The following CCDC171 variants were observed in gnomAD, a reference collection of about 807,000 sequenced individuals.
CCDC171 encodes the protein coiled-coil domain-containing protein 171.
In CCDC171, 177 loss-of-function variants were observed where a neutral mutation model predicts 168.2. The observed-to-expected ratio is 1.05, with a 90% CI of 0.93 to 1.19. The LOEUF (loss-of-function observed/expected upper bound fraction) is 1.19. CCDC171 is among the 50% of genes most tolerant of loss of function. The pLI is 0.00. For missense variants in CCDC171, 1,991 were observed against 1,539.0 expected (o/e 1.29, Z -4.91); for synonymous variants, 687 against 540.8 (o/e 1.27, Z -3.75).
At chr9:15,975,323 G>T (rs1343445044), downstream of CCDC171, among the ~76,000 whole-genome samples, 2 of 151,912 alleles carry the variant, frequency 1.3e-5, no homozygotes. Context: ...ACATTATTTT[G>T]AAACACTGCT....
At chr9:16,009,201 CA>C (rs1832789498) in intron 3 of CCDC171, among the ~76,000 whole-genome samples, 1 of 152,102 alleles carries the variant, frequency 6.6e-6, no homozygotes, top group Non-Finnish European at 1.5e-5. Flanking sequence ...AAGAAGCTCA[CA>C]AAAATGTCCT....
chr9:15,607,894 T>C (rs1191669587), intron 6 of CCDC171, among the ~76,000 whole-genome samples: 1 of 152,214 alleles, frequency 6.6e-6, no homozygotes, highest in African/African-American at 2.4e-5. Flanking sequence ...CCATTTTCTG[T>C]TGTTTATAAC....
intron 7 of CCDC171, among the ~76,000 whole-genome samples, chr9:15,633,377 C>T (rs1434523380): frequency 6.6e-6 from 1 of 152,184 alleles, no homozygotes; most frequent in Non-Finnish European, 1.5e-5. Flanking sequence ...TGAACAGACA[C>T]TTCTGAAAAG....
chr9:16,084,099 A>G, the CCDC171 span, among the ~76,000 whole-genome samples: 1 of 152,224 alleles, frequency 6.6e-6, no homozygotes, highest in Admixed American at 6.5e-5. Context: ...CTGAATCAAT[A>G]TGTTCCAGAA....
intron 9 of CCDC171, among the ~76,000 whole-genome samples, chr9:15,675,948 A>G (rs1005150470): frequency 7.9e-5 from 12 of 152,172 alleles, no homozygotes; most frequent in African/African-American, 2.9e-4. Context: ...GTTCTCCTGG[A>G]TAATATCCTG....
chr9:15,894,531 C>T (rs1169475), intron 24 of CCDC171, among the ~76,000 whole-genome samples: 130,167 of 152,116 alleles, frequency 0.86, 55,754 homozygotes, highest in East Asian at 0.96. Flanking sequence ...AAACTTCTCA[C>T]TTTGGCCTTG....
rs115467542 is a variant in CCDC171, at chr9:16,033,046, G to C, written n.999-2411G>C. On this transcript the variant is annotated intron_variant and non_coding_transcript_variant, in intron 6 of 9. Transcript: ENST00000486641. ...CCAGAGGAGGGCACCCAAACCATGA[G>C]CCAGGGAGGAGAGGTTCCTGGAAGA... Among the ~76,000 whole-genome samples, 726 of 152,306 alleles carry C rather than the reference G, an allele frequency of 4.8e-3. 6 individuals carry two copies. The highest frequency in any genetic ancestry group is 0.016 in the African/African-American group (680 of 41,558).
intron 24 of CCDC171, among the ~76,000 whole-genome samples, chr9:15,894,133 G>A (rs1164942272): frequency 3.9e-5 from 6 of 152,184 alleles, no homozygotes; most frequent in African/African-American, 1.4e-4. Flanking sequence ...GTGGGAACAT[G>A]GATGGAGCTG....
At position 15,666,147 on chromosome 9, in the gene CCDC171, G is replaced by A. The variant is rs775780876; in HGVS notation, c.916-16G>A. 14 of 1,609,290 alleles carry A rather than the reference G, an allele frequency of 8.7e-6. 1 individual carries two copies. In the South Asian group the frequency reaches 1.4e-4, roughly 16 times the overall value. ...ATTTCTTAGCTTGATTTAATTACTT[G>A]TCTGTCGTCCGGTAGTTACGGATTC... On this transcript the variant is annotated splice_polypyrimidine_tract_variant and intron_variant, in intron 8 of 25. Coordinates refer to ENST00000380701, the MANE Select transcript of CCDC171 (RefSeq NM_173550.4).
intron 21 of CCDC171, among the ~76,000 whole-genome samples, chr9:15,837,902 C>G (rs1012156058): frequency 6.6e-6 from 1 of 152,160 alleles, no homozygotes; most frequent in Non-Finnish European, 1.5e-5. Context: ...CTTTGTTCTA[C>G]CCTCTTTTAC....
At chr9:15,767,073 G>GT (rs746897788) in intron 18 of CCDC171, among the ~76,000 whole-genome samples, 51 of 152,116 alleles carry the variant, frequency 3.4e-4, no homozygotes, top group Non-Finnish European at 6.3e-4. Context: ...CATGACGAAA[G>GT]TTTTTTTAGA....
chr9:15,759,593 A>G (rs948550826), intron 18 of CCDC171, among the ~76,000 whole-genome samples: 2 of 152,106 alleles, frequency 1.3e-5, no homozygotes, highest in Non-Finnish European at 2.9e-5. Flanking sequence ...TTTCTTGCCC[A>G]TGATCTTGGC....
intron 25 of CCDC171, among the ~76,000 whole-genome samples, chr9:15,953,590 G>A (rs1829450869): frequency 1.3e-5 from 2 of 152,054 alleles, no homozygotes; most frequent in Admixed American, 6.6e-5. Flanking sequence ...GTATTTTGTT[G>A]AGGATTTTTG....
At chr9:16,084,999 T>C in the CCDC171 span, among the ~76,000 whole-genome samples, 1 of 152,222 alleles carries the variant, frequency 6.6e-6, no homozygotes, top group African/African-American at 2.4e-5. Flanking sequence ...ATTATGTGTG[T>C]ATAGTGCCTA....
At chr9:15,839,669 TAAC>T (rs1454123328) in intron 21 of CCDC171, among the ~76,000 whole-genome samples, 1 of 152,132 alleles carries the variant, frequency 6.6e-6, no homozygotes, top group African/African-American at 2.4e-5. Context: ...ATAAGGGAAA[TAAC>T]AACAGCAGTT....
At chr9:16,076,902 G>T in the CCDC171 span, among the ~76,000 whole-genome samples, 1 of 152,138 alleles carries the variant, frequency 6.6e-6, no homozygotes, top group African/African-American at 2.4e-5. Flanking sequence ...CTCCTGTGTT[G>T]TTCTAAATGC....
intron 7 of CCDC171, among the ~76,000 whole-genome samples, chr9:15,628,726 C>T (rs1028466754): frequency 2.0e-5 from 3 of 152,208 alleles, no homozygotes; most frequent in African/African-American, 7.2e-5. Flanking sequence ...AGACTGCCTC[C>T]TCAAGTGGGT....
intron 7 of CCDC171, among the ~76,000 whole-genome samples, chr9:15,645,876 A>C (rs1413405768): frequency 6.6e-6 from 1 of 152,240 alleles, no homozygotes; most frequent in East Asian, 1.9e-4. Context: ...GCCAACATTC[A>C]AATTCAGGAA....
intron 3 of CCDC171, among the ~76,000 whole-genome samples, chr9:16,007,762 G>A (rs1832749833): frequency 6.6e-6 from 1 of 152,154 alleles, no homozygotes; most frequent in Admixed American, 6.5e-5. Context: ...TATTATTTCT[G>A]AGGGCTCTGT....
Sources: allele counts gnomAD v4.1 joint callset (sites outside exome capture counted in the v4.1 genomes callset), GRCh38; gene constraint gnomAD v4.1.1; transcripts MANE v1.5; gene names NCBI Gene and HGNC (gene_info 2026-07-23, HGNC 2026-07-21).